The following RGL1 variants were observed in gnomAD, a reference collection of about 807,000 sequenced individuals.
The protein encoded by RGL1 is ral guanine nucleotide dissociation stimulator-like 1.
In RGL1, 24 loss-of-function variants were observed where a neutral mutation model predicts 95.2. That is an observed-to-expected ratio of 0.25 (90% CI 0.18 to 0.35). RGL1 has a LOEUF of 0.35. Ranked by LOEUF, RGL1 falls within the 10% of genes least tolerant of loss-of-function variation. The pLI, the probability that RGL1 is intolerant of heterozygous loss-of-function variation, is 1.00. For synonymous variants in RGL1, 329 were observed against 344.9 expected, an observed-to-expected ratio of 0.95 and a Z score of 0.51; for missense variants, 715 against 936.3, an observed-to-expected ratio of 0.76 and a Z score of 3.08.
intron 17 of RGL1, among the ~76,000 whole-genome samples, chr1:183,923,807 C>T (rs879940219): frequency 9.9e-5 from 15 of 152,150 alleles, no homozygotes; most frequent in Non-Finnish European, 1.9e-4. Context: ...GATTGTTCTC[C>T]GCTGAGCCTT....
At chr1:183,811,497 G>T (rs1000098589) in intron 2 of RGL1, among the ~76,000 whole-genome samples, 9 of 152,116 alleles carry the variant, frequency 5.9e-5, no homozygotes, top group African/African-American at 1.9e-4. Context: ...GTTTAATTTA[G>T]GCTTTAGAAA....
chr1:183,736,002 AGTTAGAT>A (rs1329260670), intron 1 of RGL1, among the ~76,000 whole-genome samples: 1 of 152,204 alleles, frequency 6.6e-6, no homozygotes, highest in Non-Finnish European at 1.5e-5. Flanking sequence ...CCAAACCAGG[AGTTAGAT>A]GCTAAGGATG....
At chr1:183,729,709 C>G (rs891257712) in intron 1 of RGL1, among the ~76,000 whole-genome samples, 1 of 152,120 alleles carries the variant, frequency 6.6e-6, no homozygotes, top group African/African-American at 2.4e-5. Flanking sequence ...GTAACCCAAA[C>G]TGGAAACAAC....
intron 5 of RGL1, among the ~76,000 whole-genome samples, chr1:183,881,980 C>T (rs114751799): frequency 3.3e-5 from 5 of 152,316 alleles, no homozygotes; most frequent in African/African-American, 9.6e-5. Flanking sequence ...ATTGGGGAAC[C>T]GGTGGGACCA....
intron 2 of RGL1, among the ~76,000 whole-genome samples, chr1:183,819,441 A>C (rs1662304639): frequency 6.6e-6 from 1 of 152,168 alleles, no homozygotes; most frequent in African/African-American, 2.4e-5. Context: ...AGTACAACTC[A>C]ATTCCCTTGC....
chr1:183,855,408 A>C (rs1485204916), intron 3 of RGL1, among the ~76,000 whole-genome samples: 1 of 152,184 alleles, frequency 6.6e-6, no homozygotes, highest in Admixed American at 6.5e-5. Flanking sequence ...ATATGTTCCA[A>C]TTTGCTTTTT....
chr1:183,680,145 A>T (rs1262329661), intron 1 of RGL1, among the ~76,000 whole-genome samples: 1 of 151,368 alleles, frequency 6.6e-6, no homozygotes, highest in African/African-American at 2.4e-5. Context: ...GATTGCAAAA[A>T]TTTTCTCCCA....
intron 15 of RGL1, among the ~76,000 whole-genome samples, chr1:183,914,997 GA>G (rs2102739518): frequency 6.6e-6 from 1 of 152,188 alleles, no homozygotes; most frequent in South Asian, 2.1e-4. Flanking sequence ...ACATAAGGAA[GA>G]AAAAAACCCA....
chr1:183,830,610 C>T (rs1366848762), intron 2 of RGL1, among the ~76,000 whole-genome samples: 5 of 151,912 alleles, frequency 3.3e-5, no homozygotes, highest in African/African-American at 9.7e-5. Flanking sequence ...CAATGTCAGC[C>T]CCAGAGAATG....
Position 183,922,202 on chromosome 1 carries a change from C to A in RGL1, c.2005-20C>A. On this transcript the variant is annotated intron_variant, in intron 16 of 17. Transcript: ENST00000360851. ...AACGTGAAGCTAAGTACTTTACAAA[C>A]CTGTTCATTGTCTTTGCAGTTGACG... 1 of 1,601,122 alleles carries A rather than the reference C, an allele frequency of 6.2e-7. No individual in the cohort carries two copies. Among genetic ancestry groups the A allele is most frequent in the Non-Finnish European group, 8.6e-7 (1 of 1,168,256 alleles).
intron 3 of RGL1, among the ~76,000 whole-genome samples, chr1:183,855,544 A>G (rs1007606803): frequency 1.3e-5 from 2 of 152,186 alleles, no homozygotes; most frequent in African/African-American, 4.8e-5. Context: ...CTTTTCTTTC[A>G]GTAAGAGGCA....
At chr1:183,798,156 C>T (rs1016559719) in intron 2 of RGL1, among the ~76,000 whole-genome samples, 1 of 152,102 alleles carries the variant, frequency 6.6e-6, no homozygotes. Context: ...ATCCTGCCCT[C>T]TCACTTATTT....
At chr1:183,792,464 C>T (rs1340485160) in intron 2 of RGL1, among the ~76,000 whole-genome samples, 1 of 151,964 alleles carries the variant, frequency 6.6e-6, no homozygotes, top group Non-Finnish European at 1.5e-5. Context: ...TAGTGGAAGT[C>T]CCAGCCAGAA....
At chr1:183,658,650 A>T (rs1016581166) in intron 1 of RGL1, among the ~76,000 whole-genome samples, 6 of 151,998 alleles carry the variant, frequency 3.9e-5, no homozygotes, top group African/African-American at 1.5e-4. Flanking sequence ...AAACAAAAAG[A>T]CAGCAGTAAC....
intron 1 of RGL1, among the ~76,000 whole-genome samples, chr1:183,684,954 T>C (rs1653478376): frequency 6.6e-6 from 1 of 152,230 alleles, no homozygotes; most frequent in African/African-American, 2.4e-5. Flanking sequence ...ATGAGCTAGG[T>C]ATCTCAGTTG....
intron 17 of RGL1, among the ~76,000 whole-genome samples, chr1:183,924,458 A>G (rs915415610): frequency 6.6e-6 from 1 of 151,970 alleles, no homozygotes; most frequent in Middle Eastern, 3.2e-3. Context: ...GGAATATCAC[A>G]CACCGGGGCC....
chr1:183,734,064 T>G (rs1156672037), intron 1 of RGL1, among the ~76,000 whole-genome samples: 1 of 152,224 alleles, frequency 6.6e-6, no homozygotes, highest in African/African-American at 2.4e-5. Context: ...AGTAAAAGAT[T>G]GAGAACAGAT....
intron 2 of RGL1, among the ~76,000 whole-genome samples, chr1:183,846,359 CAGAG>C (rs1664430470): frequency 6.6e-6 from 1 of 150,428 alleles, no homozygotes; most frequent in African/African-American, 2.5e-5. Flanking sequence ...CATATGGACA[CAGAG>C]AGGGGAACGT....
chr1:183,749,345 G>C (rs907925107), intron 2 of RGL1, among the ~76,000 whole-genome samples: 9 of 152,268 alleles, frequency 5.9e-5, no homozygotes, highest in African/African-American at 2.2e-4. Context: ...ATCTCTTCTT[G>C]TTGCATCGAT....
Sources: gnomAD v4.1 joint callset for allele counts (sites outside exome capture counted in the v4.1 genomes callset) on GRCh38, gnomAD v4.1.1 for gene constraint, MANE v1.5 for transcripts, NCBI Gene and HGNC (gene_info 2026-07-23, HGNC 2026-07-21) for gene names.